The following EYS variants were observed in gnomAD, a reference collection of about 807,000 sequenced individuals.
EYS encodes EGF-like photoreceptor maintenance factor.
In EYS, 250 loss-of-function variants were observed where a neutral mutation model predicts 282.1. That is an observed-to-expected ratio of 0.89 (90% CI 0.80 to 0.98). The LOEUF is 0.98. Ranked by LOEUF, EYS falls within the 50% of genes least tolerant of loss-of-function variation. The probability of loss-of-function intolerance (pLI) is 0.00; values close to 1 mark genes in which losing one functional copy is unlikely to be tolerated. For synonymous variants in EYS, 1,355 were observed against 1,282.9 expected (o/e 1.06, Z -1.20); for missense variants, 4,016 against 3,709.0 (o/e 1.08, Z -2.15).
intron 2 of EYS, among the ~76,000 whole-genome samples, chr6:65,630,213 A>G (rs994294501): frequency 3.3e-5 from 5 of 152,134 alleles, no homozygotes; most frequent in African/African-American, 1.2e-4. Flanking sequence ...CTGCTTCACT[A>G]TGTAATATTT....
intron 5 of EYS, among the ~76,000 whole-genome samples, chr6:65,476,762 A>C (rs1308507989): frequency 1.3e-5 from 2 of 152,046 alleles, no homozygotes; most frequent in Admixed American, 6.6e-5. Context: ...TTTGTAGTAG[A>C]GACGGGGTTT....
At chr6:65,582,058 T>C (rs748987782) in intron 2 of EYS, among the ~76,000 whole-genome samples, 11 of 151,636 alleles carry the variant, frequency 7.3e-5, no homozygotes, top group Non-Finnish European at 1.6e-4. Flanking sequence ...TAGCCAAGTA[T>C]GGTGGTGCAC....
chr6:64,663,814 C>A (rs931504768), intron 22 of EYS, among the ~76,000 whole-genome samples: 5 of 152,062 alleles, frequency 3.3e-5, no homozygotes, highest in African/African-American at 1.2e-4. Context: ...TTCTTGGCCT[C>A]AAGGATTCCA....
At chr6:65,559,390 AAAAGAAAAG>A (rs1438127571) in intron 2 of EYS, among the ~76,000 whole-genome samples, 1 of 152,124 alleles carries the variant, frequency 6.6e-6, no homozygotes, top group East Asian at 1.9e-4. Context: ...AAAAGAGAAA[AAAAGAAAAG>A]AAAGAAAAGA....
chr6:64,759,930 T>C (rs1306819792), intron 22 of EYS, among the ~76,000 whole-genome samples: 1 of 152,226 alleles, frequency 6.6e-6, no homozygotes, highest in Non-Finnish European at 1.5e-5. Flanking sequence ...CTCATTACAA[T>C]ATTTAAACCT....
intron 22 of EYS, among the ~76,000 whole-genome samples, chr6:64,805,112 C>T (rs976762037): frequency 2.6e-5 from 4 of 151,928 alleles, no homozygotes; most frequent in African/African-American, 9.7e-5. Context: ...CTAAAAAATA[C>T]AGCAATTGCC....
chr6:64,730,481 CTTAT>C (rs2149951742), intron 22 of EYS, among the ~76,000 whole-genome samples: 1 of 152,052 alleles, frequency 6.6e-6, no homozygotes, highest in Admixed American at 6.6e-5. Context: ...TTTACTTTTA[CTTAT>C]TTATTTTTTT....
intron 26 of EYS, among the ~76,000 whole-genome samples, chr6:64,550,071 CT>C (rs1429745820): frequency 6.6e-6 from 1 of 152,096 alleles, no homozygotes; most frequent in African/African-American, 2.4e-5. Context: ...TGAAATCATC[CT>C]TTTTTATGGC....
At chr6:64,660,916 G>A in intron 22 of EYS, among the ~76,000 whole-genome samples, 1 of 152,138 alleles carries the variant, frequency 6.6e-6, no homozygotes, top group Admixed American at 6.5e-5. Flanking sequence ...ACAAAAATGA[G>A]CCCGCATTGC....
At chr6:65,703,185 G>GCC (rs1294576004) in intron 1 of EYS, among the ~76,000 whole-genome samples, 5 of 151,896 alleles carry the variant, frequency 3.3e-5, no homozygotes, top group Non-Finnish European at 7.4e-5. Flanking sequence ...CTCTCTCTCT[G>GCC]TCTCTCCTCT....
At chr6:64,871,164 C>G (rs1175766320) in intron 19 of EYS, among the ~76,000 whole-genome samples, 1 of 151,818 alleles carries the variant, frequency 6.6e-6, no homozygotes, top group African/African-American at 2.4e-5. Flanking sequence ...TGTGATTATA[C>G]AATTATATAG....
At chr6:64,830,698 G>A (rs1765187140) in intron 19 of EYS, among the ~76,000 whole-genome samples, 1 of 152,078 alleles carries the variant, frequency 6.6e-6, no homozygotes, top group East Asian at 1.9e-4. Flanking sequence ...TACCCAGGAA[G>A]AGACAAATTA....
chr6:64,287,425 A>G (rs1768540136), intron 30 of EYS, among the ~76,000 whole-genome samples: 1 of 152,210 alleles, frequency 6.6e-6, no homozygotes, highest in Non-Finnish European at 1.5e-5. Context: ...TACAAAATAT[A>G]CATATGGTAT....
chr6:65,611,493 A>G (rs1028288163), intron 2 of EYS, among the ~76,000 whole-genome samples: 4 of 152,026 alleles, frequency 2.6e-5, no homozygotes, highest in African/African-American at 9.7e-5. Flanking sequence ...CTTTTTATAG[A>G]TAAATTCCTT....
At chr6:63,980,367 C>A (rs1434587526) in intron 35 of EYS, among the ~76,000 whole-genome samples, 1 of 151,660 alleles carries the variant, frequency 6.6e-6, no homozygotes, top group Non-Finnish European at 1.5e-5. Context: ...TGGCCTAGAA[C>A]AATTAAACTG....
chr6:64,704,208 G>A (rs1375743973), intron 22 of EYS, among the ~76,000 whole-genome samples: 1 of 150,760 alleles, frequency 6.6e-6, no homozygotes, highest in Non-Finnish European at 1.5e-5. Flanking sequence ...AATATATCAG[G>A]AAAAATTTTA....
chr6:64,355,669 T>G (rs954912335), intron 29 of EYS, among the ~76,000 whole-genome samples: 3 of 151,690 alleles, frequency 2.0e-5, no homozygotes, highest in Admixed American at 1.3e-4. Context: ...CTTATTGTTT[T>G]GGACATCCAT....
intron 26 of EYS, among the ~76,000 whole-genome samples, chr6:64,574,323 T>C (rs1422962354): frequency 6.6e-6 from 1 of 152,092 alleles, no homozygotes; most frequent in Non-Finnish European, 1.5e-5. Context: ...ATACCTAATG[T>C]AGATGACAGG....
At chr6:65,306,859 A>AAAAG (rs1554182756) in intron 11 of EYS, among the ~76,000 whole-genome samples, 288 of 142,136 alleles carry the variant, frequency 2.0e-3, no homozygotes, top group Middle Eastern at 3.7e-3. Flanking sequence ...AAAAAAAAAA[A>AAAAG]AAAGAAAGTC....
Sources: gnomAD v4.1 joint callset for allele counts (sites outside exome capture counted in the v4.1 genomes callset) on GRCh38, gnomAD v4.1.1 for gene constraint, MANE v1.5 for transcripts, NCBI Gene and HGNC (gene_info 2026-07-23, HGNC 2026-07-21) for gene names.